Variants in CHIC2 observed in about 807,000 individuals in gnomAD.
CHIC2 encodes cysteine rich hydrophobic domain 2, also known as cysteine-rich hydrophobic domain-containing protein 2.
CHIC2 carries 14 observed loss-of-function variants against 25.9 expected under a neutral mutation model. The observed-to-expected ratio is 0.54, with a 90% CI of 0.36 to 0.85. The LOEUF is 0.85. CHIC2 is among the 40% of genes least tolerant of loss of function. The pLI is 0.01. For missense variants in CHIC2, 146 were observed against 202.0 expected, an observed-to-expected ratio of 0.72 and a Z score of 1.68; for synonymous variants, 70 against 72.0, an observed-to-expected ratio of 0.97 and a Z score of 0.14.
intron 1 of CHIC2, chr4:54,061,279 A>G (rs576933399): frequency 5.3e-5 from 8 of 152,284 alleles, no homozygotes; most frequent in Non-Finnish European, 1.0e-4. Context: ...CCACAATGAC[A>G]TGCCAATCAC....
the CHIC2 span, among the ~76,000 whole-genome samples, chr4:54,077,681 G>A: frequency 1.3e-5 from 2 of 152,208 alleles, no homozygotes; most frequent in Non-Finnish European, 1.5e-5. Context: ...TTGCAAGGCT[G>A]TTGAGGCTAC....
At chr4:54,025,045 CA>C (rs1478400214) in intron 3 of CHIC2, among the ~76,000 whole-genome samples, 1 of 151,956 alleles carries the variant, frequency 6.6e-6, no homozygotes, top group Non-Finnish European at 1.5e-5. Flanking sequence ...CCCGCCCCCC[CA>C]AAATTTTTGC....
chr4:54,012,016 T>C (rs1386319567), intron 5 of CHIC2, among the ~76,000 whole-genome samples: 1 of 152,074 alleles, frequency 6.6e-6, no homozygotes, highest in Non-Finnish European at 1.5e-5. Context: ...AAATTCATTT[T>C]TATAAATTTT....
At chr4:54,076,027 C>CTG in the CHIC2 span, among the ~76,000 whole-genome samples, 2 of 150,396 alleles carry the variant, frequency 1.3e-5, no homozygotes, top group Non-Finnish European at 1.5e-5. Context: ...TGGCTCACAC[C>CTG]TGTAATCCTA....
At chr4:54,031,314 A>G (rs1236755759) in intron 3 of CHIC2, among the ~76,000 whole-genome samples, 1 of 152,034 alleles carries the variant, frequency 6.6e-6, no homozygotes, top group East Asian at 1.9e-4. Flanking sequence ...TACTTATTCT[A>G]AAAGGCAAGA....
intron 3 of CHIC2, among the ~76,000 whole-genome samples, chr4:54,037,783 A>G (rs1252390376): frequency 4.6e-5 from 7 of 152,178 alleles, no homozygotes; most frequent in Non-Finnish European, 1.0e-4. Flanking sequence ...AAATATTTGG[A>G]GGTTAAACAA....
intron 5 of CHIC2, among the ~76,000 whole-genome samples, chr4:54,011,404 C>G (rs2110056767): frequency 6.6e-6 from 1 of 152,244 alleles, no homozygotes; most frequent in South Asian, 2.1e-4. Flanking sequence ...AATACTTTCT[C>G]CCAACTAGCT....
At chr4:54,076,360 G>A in the CHIC2 span, among the ~76,000 whole-genome samples, 1 of 152,084 alleles carries the variant, frequency 6.6e-6, no homozygotes, top group South Asian at 2.1e-4. Flanking sequence ...CCTAAAAGCT[G>A]AAATACAACT....
Position 54,049,025 on chromosome 4 carries a change from A to G in CHIC2, c.260T>C (p.Leu87Pro). Residue 87 changes from leucine to proline, a missense_variant, in exon 3 of 6, where the codon CTT becomes CCT. Coordinates refer to ENST00000263921, the MANE Select transcript of CHIC2 (RefSeq NM_012110.4). ...GCAGCAGCAACAAAGGCAGCCACAA[A>G]GTAGCCAACGTACATTAACAGGAAG... ...KNLPVNVRWL[L>P]CGCLCCCCTL... The G allele has an allele frequency of 6.2e-7, 1 of 1,611,024 alleles. No homozygotes were observed. Among genetic ancestry groups the G allele is most frequent in the Non-Finnish European group, 8.5e-7 (1 of 1,178,312 alleles).
At chr4:54,043,958 G>A (rs1324618022) in intron 3 of CHIC2, among the ~76,000 whole-genome samples, 3 of 152,102 alleles carry the variant, frequency 2.0e-5, no homozygotes, top group African/African-American at 4.8e-5. Flanking sequence ...GATGGAGGAA[G>A]ATCTACTAAG....
chr4:54,037,499 A>G (rs1284735043), intron 3 of CHIC2, among the ~76,000 whole-genome samples: 3 of 152,346 alleles, frequency 2.0e-5, no homozygotes, highest in Admixed American at 2.0e-4. Context: ...TCTGGAAATG[A>G]TGAGTATGTT....
chr4:54,091,297 C>A, the CHIC2 span, among the ~76,000 whole-genome samples: 2 of 152,130 alleles, frequency 1.3e-5, no homozygotes, highest in African/African-American at 4.8e-5. Context: ...CGGGTCTGCG[C>A]GGACAGAGGC....
At chr4:54,047,767 T>G (rs770268098) in intron 3 of CHIC2, among the ~76,000 whole-genome samples, 205 of 152,124 alleles carry the variant, frequency 1.3e-3, no homozygotes, top group Non-Finnish European at 2.4e-3. Context: ...ACCTGCACGT[T>G]GTGCACATGT....
intron 3 of CHIC2, among the ~76,000 whole-genome samples, chr4:54,021,051 T>C (rs1173471459): frequency 6.6e-6 from 1 of 152,156 alleles, no homozygotes; most frequent in Non-Finnish European, 1.5e-5. Context: ...TTCTTCACTA[T>C]GGGCAACCTT....
the CHIC2 span, among the ~76,000 whole-genome samples, chr4:54,074,177 T>C: frequency 2.6e-5 from 4 of 151,918 alleles, no homozygotes; most frequent in East Asian, 7.7e-4. Context: ...AAGTCATAGG[T>C]TTTTTTCTCT....
chr4:54,045,839 A>G (rs1452594052), intron 3 of CHIC2, among the ~76,000 whole-genome samples: 1 of 151,530 alleles, frequency 6.6e-6, no homozygotes, highest in Non-Finnish European at 1.5e-5. Context: ...GCATTCAATT[A>G]GGAAAAGAGG....
chr4:54,031,138 A>T (rs1206169482), intron 3 of CHIC2, among the ~76,000 whole-genome samples: 1 of 151,780 alleles, frequency 6.6e-6, no homozygotes, highest in Non-Finnish European at 1.5e-5. Flanking sequence ...AATATGTGAA[A>T]AATCAGCTGG....
Position 54,026,056 on chromosome 4 carries a change from C to T in CHIC2, c.331-11937G>A, listed in dbSNP as rs371785160. ...TAATCTGCACAACAAGCCTATATGG[C>T]GGCTTGGACTACTTTCTTTTTACAT... On this transcript the variant is annotated intron_variant, in intron 3 of 5. Transcript: ENST00000263921. Among the ~76,000 whole-genome samples, 75 of 152,064 alleles carry T rather than the reference C, an allele frequency of 4.9e-4. No homozygotes were observed. In the South Asian group the frequency reaches 0.014, roughly 28 times the overall value.
At chr4:54,070,398 TTATTTATTTATGTATTTATG>T in the CHIC2 span, among the ~76,000 whole-genome samples, 111 of 150,838 alleles carry the variant, frequency 7.4e-4, no homozygotes, top group Non-Finnish European at 1.2e-3. Flanking sequence ...ATTTATTTAT[TTATTTATTTATGTATTTATG>T]TATTTATTTA....
Sources: gnomAD v4.1 joint callset for allele counts (sites outside exome capture counted in the v4.1 genomes callset) on GRCh38, gnomAD v4.1.1 for gene constraint, MANE v1.5 for transcripts, NCBI Gene and HGNC (gene_info 2026-07-23, HGNC 2026-07-21) for gene names.